Variants in NUP35 observed in about 807,000 individuals in gnomAD.
NUP35 encodes nucleoporin 35.
A neutral mutation model predicts 41.5 loss-of-function variants in NUP35; 25 were observed. That is an observed-to-expected ratio of 0.60 (90% CI 0.44 to 0.84). The LOEUF (loss-of-function observed/expected upper bound fraction) is 0.84, where lower values mean the gene tolerates loss of function less well. NUP35 is among the 40% of genes least tolerant of loss of function. The pLI is 0.00. For missense variants in NUP35, 396 were observed against 396.6 expected, an observed-to-expected ratio of 1.00 and a Z score of 0.01; for synonymous variants, 149 against 130.7, an observed-to-expected ratio of 1.14 and a Z score of -0.96.
chr2:183,122,020 T>A (rs557852826), upstream of NUP35, among the ~76,000 whole-genome samples: 61 of 150,920 alleles, frequency 4.0e-4, no homozygotes, highest in African/African-American at 1.4e-3. Flanking sequence ...AATCCTCCAA[T>A]TTACAAACCC....
upstream of NUP35, chr2:183,124,341 C>T: frequency 6.3e-7 from 1 of 1,587,000 alleles, no homozygotes; most frequent in Non-Finnish European, 8.6e-7. Flanking sequence ...AAGCATAGCG[C>T]AGGTCCGGAA....
intron 4 of NUP35, among the ~76,000 whole-genome samples, chr2:183,136,678 C>G (rs1250891860): frequency 1.3e-5 from 2 of 152,154 alleles, no homozygotes; most frequent in African/African-American, 4.8e-5. Flanking sequence ...TGAGATAGTT[C>G]CTTATTCTAA....
upstream of NUP35, among the ~76,000 whole-genome samples, chr2:183,121,436 A>G (rs1361399737): frequency 1.3e-5 from 2 of 152,194 alleles, no homozygotes; most frequent in East Asian, 1.9e-4. Context: ...GGGCTTCTTT[A>G]TAGCTTGGTA....
chr2:183,120,739 GC>G (rs1490585404), upstream of NUP35, among the ~76,000 whole-genome samples: 1 of 152,144 alleles, frequency 6.6e-6, no homozygotes, highest in African/African-American at 2.4e-5. Context: ...AGAGAGTTGG[GC>G]TCTGAATTGA....
chr2:183,155,699 G>A (rs1379122848), intron 5 of NUP35, among the ~76,000 whole-genome samples: 1 of 151,652 alleles, frequency 6.6e-6, no homozygotes, highest in African/African-American at 2.4e-5. Context: ...AGCCTCATGA[G>A]TAGTTGGGAT....
At chr2:183,151,928 T>A (rs1372545621) in intron 5 of NUP35, among the ~76,000 whole-genome samples, 2 of 152,182 alleles carry the variant, frequency 1.3e-5, no homozygotes, top group Non-Finnish European at 2.9e-5. Flanking sequence ...GATATTTGTT[T>A]GTAGTTTTTT....
intron 4 of NUP35, among the ~76,000 whole-genome samples, chr2:183,140,107 A>G (rs1685034437): frequency 6.6e-6 from 1 of 152,220 alleles, no homozygotes; most frequent in Admixed American, 6.5e-5. Context: ...TCACAAATTA[A>G]TATCTTAAAA....
intron 1 of NUP35, among the ~76,000 whole-genome samples, chr2:183,124,983 C>T (rs1684391548): frequency 1.3e-5 from 2 of 149,602 alleles, no homozygotes; most frequent in Non-Finnish European, 2.9e-5. Context: ...CTCCTCTCTC[C>T]CGGGCTTTGC....
intron 4 of NUP35, among the ~76,000 whole-genome samples, chr2:183,137,697 G>C (rs1392686328): frequency 1.3e-5 from 2 of 152,048 alleles, no homozygotes; most frequent in Non-Finnish European, 2.9e-5. Context: ...GGAGGTCAAG[G>C]TGGGAAGACC....
rs1377519641 is a variant in NUP35, at chr2:183,158,360, G to C, written c.687G>C (p.Gly229=). Residue 229 remains glycine, a synonymous_variant, in exon 7 of 9, where the codon GGG becomes GGC. Coordinates refer to ENST00000295119, the MANE Select transcript of NUP35 (RefSeq NM_138285.5). The part of the protein sequence containing the change: ...LQARKALSKD[G]RIFGESIMIG... ...CTCGGAAAGCCTTAAGCAAAGATGG[G>C]AGGATTTTTGGAGAATCCATCATGA... The C allele has an allele frequency of 6.2e-7, 1 of 1,609,350 alleles. No homozygotes were observed. The highest frequency in any genetic ancestry group is 2.2e-5 in the East Asian group (1 of 44,726).
At chr2:183,130,849 A>G in intron 3 of NUP35, 1 of 749,942 alleles carries the variant, frequency 1.3e-6, no homozygotes. Flanking sequence ...TATGGTTTAA[A>G]TCATTCTGAT....
upstream of NUP35, chr2:183,124,400 C>G (rs1467618787): frequency 6.2e-7 from 1 of 1,613,850 alleles, no homozygotes; most frequent in Non-Finnish European, 8.5e-7. Context: ...GGGAGCGTTT[C>G]CGCCATTTTT....
chr2:183,123,015 G>A (rs1700091915), upstream of NUP35, among the ~76,000 whole-genome samples: 1 of 152,204 alleles, frequency 6.6e-6, no homozygotes, highest in Non-Finnish European at 1.5e-5. Flanking sequence ...AAGGCTATGT[G>A]ATGGCAGAAG....
upstream of NUP35, among the ~76,000 whole-genome samples, chr2:183,121,307 C>T (rs1203357934): frequency 6.6e-6 from 1 of 151,860 alleles, no homozygotes; most frequent in East Asian, 1.9e-4. Context: ...GATAGGGAAA[C>T]AGATAATTTA....
intron 4 of NUP35, among the ~76,000 whole-genome samples, chr2:183,134,369 T>A (rs1456388475): frequency 6.6e-6 from 1 of 152,162 alleles, no homozygotes; most frequent in African/African-American, 2.4e-5. Flanking sequence ...AGGTATTACA[T>A]TTTGTGGAGG....
intron 4 of NUP35, among the ~76,000 whole-genome samples, chr2:183,143,437 T>A (rs1685172408): frequency 6.6e-6 from 1 of 152,180 alleles, no homozygotes; most frequent in Admixed American, 6.5e-5. Context: ...TGGGCTTCAC[T>A]TTTAAGTGTT....
At chr2:183,153,986 A>AC (rs1685561024) in intron 5 of NUP35, among the ~76,000 whole-genome samples, 1 of 152,330 alleles carries the variant, frequency 6.6e-6, no homozygotes, top group South Asian at 2.1e-4. Flanking sequence ...ACTTCTGTGC[A>AC]CCCACAGGCT....
chr2:183,140,173 A>G (rs761557856), intron 4 of NUP35, among the ~76,000 whole-genome samples: 9 of 152,204 alleles, frequency 5.9e-5, no homozygotes, highest in Non-Finnish European at 1.3e-4. Context: ...AGTAGGCCTC[A>G]GTGGACTAAA....
Position 183,133,577 on chromosome 2 carries a change from A to G in NUP35, c.351A>G (p.Ser117=), listed in dbSNP as rs367899230. Residue 117 remains serine (S), a synonymous_variant, in exon 4 of 9, where the codon TCA becomes TCG. Transcript: ENST00000295119. ...PLTSRRQPNI[S]VMQSPLVGVT... ...TTCTGTTTGTGTAGCCAAACATTTC[A>G]GTAATGCAGAGTCCTCTTGTTGGAG... 8 of 1,602,952 alleles carry G rather than the reference A, an allele frequency of 5.0e-6. No individual in the cohort carries two copies. In the African/African-American group the frequency reaches 9.5e-5, roughly 19 times the overall value.
Sources: gnomAD v4.1 joint callset for allele counts (sites outside exome capture counted in the v4.1 genomes callset) on GRCh38, gnomAD v4.1.1 for gene constraint, MANE v1.5 for transcripts, NCBI Gene and HGNC (gene_info 2026-07-23, HGNC 2026-07-21) for gene names.